The following RBFOX1 variants were observed in gnomAD, a reference collection of about 807,000 sequenced individuals.
RBFOX1 encodes the protein RNA binding fox-1 homolog 1.
Under a neutral mutation model 57.7 loss-of-function variants are expected in RBFOX1, and 8 were observed. That is an observed-to-expected ratio of 0.14 (90% CI 0.08 to 0.25). The LOEUF (loss-of-function observed/expected upper bound fraction) is 0.25. Among genes scored for constraint, RBFOX1 ranks in the 10% least tolerant of loss-of-function variants. The pLI is 1.00. For missense variants in RBFOX1, 611 were observed against 548.5 expected (o/e 1.11, Z -1.14); for synonymous variants, 326 against 222.4 (o/e 1.47, Z -4.15).
chr16:7,064,259 C>T (rs1362958530), intron 4 of RBFOX1, among the ~76,000 whole-genome samples: 2 of 150,948 alleles, frequency 1.3e-5, no homozygotes, highest in Non-Finnish European at 2.9e-5. Context: ...ACTTCCGCCT[C>T]CCAGGTTCAA....
intron 2 of RBFOX1, among the ~76,000 whole-genome samples, chr16:6,384,356 C>A (rs1008520869): frequency 1.3e-5 from 2 of 152,150 alleles, no homozygotes; most frequent in South Asian, 4.1e-4. Context: ...AGTAAAATTG[C>A]ATTTTTCCCT....
chr16:7,210,547 A>G (rs578079987), intron 4 of RBFOX1, among the ~76,000 whole-genome samples: 13 of 152,350 alleles, frequency 8.5e-5, no homozygotes, highest in Non-Finnish European at 1.3e-4. Context: ...ATTTTATGGA[A>G]TAAACGGATA....
chr16:5,308,172 T>C (rs1039201888), intron 1 of RBFOX1, among the ~76,000 whole-genome samples: 1 of 151,968 alleles, frequency 6.6e-6, no homozygotes, highest in African/African-American at 2.4e-5. Context: ...AAGCCCCATC[T>C]TTACTAAAAA....
At chr16:5,499,029 A>G (rs1422724803) in intron 2 of RBFOX1, among the ~76,000 whole-genome samples, 1 of 152,186 alleles carries the variant, frequency 6.6e-6, no homozygotes, top group African/African-American at 2.4e-5. Context: ...GGTCTCCAGC[A>G]GGGCCTGGGA....
At chr16:6,501,606 G>A (rs1360768370) in intron 2 of RBFOX1, among the ~76,000 whole-genome samples, 4 of 152,024 alleles carry the variant, frequency 2.6e-5, no homozygotes, top group African/African-American at 4.8e-5. Context: ...ACATACGTGT[G>A]CATGCATGTG....
intron 1 of RBFOX1, among the ~76,000 whole-genome samples, chr16:5,391,225 A>G (rs932256539): frequency 1.3e-5 from 2 of 152,234 alleles, no homozygotes; most frequent in Admixed American, 6.5e-5. Flanking sequence ...TTAACGGTTT[A>G]AAACAATTCA....
intron 4 of RBFOX1, among the ~76,000 whole-genome samples, chr16:7,141,320 C>G (rs1025941073): frequency 6.6e-6 from 1 of 152,166 alleles, no homozygotes; most frequent in Non-Finnish European, 1.5e-5. Flanking sequence ...GAATACCAGA[C>G]ACAGTGCTTG....
chr16:6,122,016 C>T (rs1435167185), intron 1 of RBFOX1, among the ~76,000 whole-genome samples: 3 of 152,194 alleles, frequency 2.0e-5, no homozygotes, highest in Non-Finnish European at 4.4e-5. Flanking sequence ...AGCAATTCTC[C>T]TGCCTCAGCC....
intron 2 of RBFOX1, among the ~76,000 whole-genome samples, chr16:6,514,208 T>A (rs1282715072): frequency 2.0e-5 from 3 of 152,190 alleles, no homozygotes; most frequent in Non-Finnish European, 4.4e-5. Flanking sequence ...CCTTTGGGGA[T>A]GCTCTCTGCT....
Position 6,687,791 on chromosome 16 carries a change from A to T in RBFOX1, c.-16+33141A>T, listed in dbSNP as rs189349532. 2.6e-5 allele frequency among the ~76,000 whole-genome samples: 4 copies of T among 152,130 alleles called. No homozygotes were observed. The South Asian group carries it at 8.3e-4, about 32-fold the overall frequency. ...AGAGTGGTCACATGACACTCCTCTT[A>T]CTCCCTATTGGCTAGAACAAGTCAC... On this transcript the variant is annotated intron_variant, in intron 3 of 15. Transcript: ENST00000550418.
intron 2 of RBFOX1, among the ~76,000 whole-genome samples, chr16:5,553,395 A>C (rs1280113445): frequency 6.6e-6 from 1 of 150,766 alleles, no homozygotes; most frequent in African/African-American, 2.4e-5. Flanking sequence ...AGCTCACTGC[A>C]CACTCCGCCT....
At chr16:6,159,999 A>T (rs761559540) in intron 1 of RBFOX1, among the ~76,000 whole-genome samples, 6 of 152,124 alleles carry the variant, frequency 3.9e-5, no homozygotes, top group Non-Finnish European at 8.8e-5. Flanking sequence ...ACCTCTTCCC[A>T]CCACAGGTCA....
At chr16:5,734,820 G>C (rs2052514165) in intron 3 of RBFOX1, among the ~76,000 whole-genome samples, 1 of 152,128 alleles carries the variant, frequency 6.6e-6, no homozygotes, top group Non-Finnish European at 1.5e-5. Context: ...CAAGAAGGAA[G>C]GGAGATAAGG....
intron 3 of RBFOX1, among the ~76,000 whole-genome samples, chr16:5,815,397 G>T (rs528284772): frequency 1.3e-5 from 2 of 152,078 alleles, no homozygotes; most frequent in African/African-American, 4.8e-5. Flanking sequence ...GCTGGCCAGG[G>T]CCTGACTTCA....
chr16:5,480,158 C>G lies in RBFOX1; in HGVS notation c.258+12904C>G, dbSNP rs542232535. Among the ~76,000 whole-genome samples, 41 of 152,294 alleles carry G rather than the reference C, an allele frequency of 2.7e-4. 2 individuals are homozygous for G. The highest frequency in any genetic ancestry group is 6.8e-3 in the Middle Eastern group (2 of 294). The stretch of plus-strand genomic sequence containing the variant: ...TCAGATTCACAGAATGACTTGTGAT[C>G]TAGGTTTTCTTTCATCCGGAGATGC... On this transcript the variant is annotated intron_variant, in intron 2 of 2. Coordinates refer to the RBFOX1 transcript ENST00000585867.
intron 10 of RBFOX1, among the ~76,000 whole-genome samples, chr16:7,618,719 G>C (rs993167248): frequency 2.0e-5 from 3 of 152,046 alleles, no homozygotes; most frequent in Non-Finnish European, 4.4e-5. Context: ...TTAATTACAT[G>C]TAGATACTCA....
intron 4 of RBFOX1, among the ~76,000 whole-genome samples, chr16:7,123,537 T>C (rs2067693379): frequency 6.6e-6 from 1 of 152,010 alleles, no homozygotes; most frequent in African/African-American, 2.4e-5. Context: ...GCTAATTCTT[T>C]TAATTTTAGT....
chr16:6,787,686 A>C (rs2082196086), intron 3 of RBFOX1, among the ~76,000 whole-genome samples: 1 of 152,166 alleles, frequency 6.6e-6, no homozygotes, highest in Non-Finnish European at 1.5e-5. Context: ...TGAGTGATTC[A>C]TGATCGTAGC....
chr16:6,477,168 T>G (rs1448600561), intron 2 of RBFOX1, among the ~76,000 whole-genome samples: 1 of 152,222 alleles, frequency 6.6e-6, no homozygotes, highest in Non-Finnish European at 1.5e-5. Context: ...CTCCTGTTAA[T>G]GTTGCTATTT....
Sources: gnomAD v4.1 joint callset for allele counts (sites outside exome capture counted in the v4.1 genomes callset) on GRCh38, gnomAD v4.1.1 for gene constraint, MANE v1.5 for transcripts, NCBI Gene and HGNC (gene_info 2026-07-23, HGNC 2026-07-21) for gene names.